The following ALPK2 variants were observed in gnomAD, a reference collection of about 807,000 sequenced individuals.
ALPK2 encodes the protein alpha kinase 2.
In ALPK2, 127 loss-of-function variants were observed where a neutral mutation model predicts 163.1. The observed-to-expected ratio is 0.78, with a 90% confidence interval of 0.67 to 0.90. The LOEUF is 0.90. Ranked by LOEUF, ALPK2 falls within the 40% of genes least tolerant of loss-of-function variation. ALPK2 has a pLI of 0.00. For synonymous variants in ALPK2, 953 were observed against 959.1 expected (o/e 0.99, Z 0.12); for missense variants, 2,360 against 2,589.6 (o/e 0.91, Z 1.92).
intron 8 of ALPK2, among the ~76,000 whole-genome samples, chr18:58,519,350 CAG>C (rs1254184951): frequency 1.3e-5 from 2 of 152,138 alleles, no homozygotes; most frequent in African/African-American, 4.8e-5. Context: ...ATACCACTAA[CAG>C]AGTATAGGAA....
rs144954613 is a variant in ALPK2, at chr18:58,508,458, A to T, written c.6030-4310T>A. 5.3e-5 allele frequency among the ~76,000 whole-genome samples: 8 copies of T among 152,334 alleles called. No individual in the cohort carries two copies. In the East Asian group the frequency reaches 1.5e-3, roughly 29 times the overall value. ...AGGAGGTTAGCACAGGATAGATAGG[A>T]GGTTAGCACAGGATACAGGTCATAA... On this transcript the variant is annotated intron_variant, in intron 10 of 12. Transcript: ENST00000361673.
chr18:58,627,498 C>T (rs7242266), intron 1 of ALPK2, among the ~76,000 whole-genome samples: 46,549 of 151,888 alleles, frequency 0.31, 7,252 homozygotes, highest in East Asian at 0.35. Context: ...GTGGCAGGCA[C>T]CCGTAATGCC....
At chr18:58,497,931 C>T (rs988464824) in intron 12 of ALPK2, 118 bp downstream of exon 12, 23 of 848,462 alleles carry the variant, frequency 2.7e-5, no homozygotes, top group Non-Finnish European at 3.5e-5. Flanking sequence ...CAAGAACATT[C>T]GTCATCCACA....
At chr18:58,540,899 G>T (rs772623653) in intron 4 of ALPK2, among the ~76,000 whole-genome samples, 3 of 152,184 alleles carry the variant, frequency 2.0e-5, no homozygotes, top group Non-Finnish European at 4.4e-5. Flanking sequence ...TTCCGTGATT[G>T]ATTACTATTA....
chr18:58,515,080 T>G lies in ALPK2; in HGVS notation c.5942A>C (p.Glu1981Ala). Residue 1981 changes from glutamate to alanine, a missense_variant and splice_region_variant, in exon 10 of 13, where the codon GAA (glutamate) becomes GCA (alanine). By Grantham distance (107) the Glu-to-Ala change is moderately radical. Coordinates refer to ENST00000361673, the MANE Select transcript of ALPK2 (RefSeq NM_052947.4). ...IQRNYKLAAQECYVQNTARYY... is the reference protein window; with the variant it reads ...IQRNYKLAAQACYVQNTARYY... ...CCTGGCAGTATTTTGAACATAGCATTCCTATATCGCCAAAATACATAGAAA... is the reference window on the plus strand; with the variant it reads ...CCTGGCAGTATTTTGAACATAGCATGCCTATATCGCCAAAATACATAGAAA... The G allele has an allele frequency of 1.9e-6, 3 of 1,609,776 alleles. No individual in the cohort carries two copies. Among genetic ancestry groups the G allele is most frequent in the South Asian group, 1.1e-5 (1 of 90,630 alleles).
In ALPK2 at chr18:58,535,231, G is replaced by A. The variant is rs762589293; in HGVS notation, c.4956C>T (p.Thr1652=). The change falls in exon 5 of 13, where the codon ACC becomes ACT. Residue 1652 remains threonine (T), a synonymous_variant. Transcript: ENST00000361673. ...CACGTTCTCCTGAAATAAATGCCAA[G>A]GTCTTCGCTGAGGAGCTAGATGAGC... is the stretch of plus-strand genomic sequence containing the variant. ...PPSSSSSSAK[T]LAFISGEREL... is the part of the protein sequence containing the mutation. The A allele has an allele frequency of 8.4e-5, 135 of 1,613,962 alleles. No homozygotes were observed. The highest frequency in any genetic ancestry group is 5.7e-4 in the Admixed American group (34 of 59,986).
In ALPK2 at chr18:58,565,619, A is replaced by G. The variant is rs114164114; in HGVS notation, c.1962+13195T>C. 2.1e-3 allele frequency among the ~76,000 whole-genome samples: 323 copies of G among 152,268 alleles called. 1 individual carries two copies. The highest frequency in any genetic ancestry group is 7.4e-3 in the African/African-American group (306 of 41,558). On this transcript the variant is annotated intron_variant, in intron 4 of 12. Coordinates refer to ENST00000361673, the MANE Select transcript of ALPK2 (RefSeq NM_052947.4). ...ATACCCTGGAAATTAATCTTTGTCT[A>G]TTACAATGTCCTACATAAAAAGTGT...
At chr18:58,564,958 A>G (rs376565551) in intron 4 of ALPK2, among the ~76,000 whole-genome samples, 2 of 152,322 alleles carry the variant, frequency 1.3e-5, no homozygotes, top group East Asian at 3.9e-4. Flanking sequence ...AGTTAATCCT[A>G]TCATTTGAAT....
intron 1 of ALPK2, among the ~76,000 whole-genome samples, chr18:58,623,823 C>G (rs1389497269): frequency 1.3e-5 from 2 of 152,152 alleles, no homozygotes; most frequent in African/African-American, 2.4e-5. Context: ...TTTAACTTGT[C>G]TGGGCTGAAC....
chr18:58,599,748 C>A (rs949421759), intron 3 of ALPK2, among the ~76,000 whole-genome samples: 1 of 152,142 alleles, frequency 6.6e-6, no homozygotes, highest in Non-Finnish European at 1.5e-5. Context: ...ATTGAGTATT[C>A]AAAATTCTTT....
At chr18:58,599,111 G>A (rs1027206923) in intron 3 of ALPK2, among the ~76,000 whole-genome samples, 3 of 152,092 alleles carry the variant, frequency 2.0e-5, no homozygotes. Flanking sequence ...AGCCACCCAA[G>A]TCCCGTCCCC....
rs142114746 is a variant in ALPK2, at chr18:58,621,278, CTT to C, written c.-21+7484_-21+7485del. Among the ~76,000 whole-genome samples, 669 of 143,744 alleles carry C rather than the reference CTT, an allele frequency of 4.7e-3. 6 individuals are homozygous for C. The highest frequency in any genetic ancestry group is 0.015 in the African/African-American group (607 of 39,560). 94.3% of individuals were successfully genotyped at this position (143,744 alleles called of 152,430 possible). On this transcript the variant is annotated intron_variant, in intron 1 of 12. Coordinates refer to ENST00000361673, the MANE Select transcript of ALPK2 (RefSeq NM_052947.4). ...AGAGTGCAGGGAATGTGATCACTTTCTTTTTTTTTTTTTTGAGGCGGAGTCTC... is the reference window on the plus strand; with the variant it reads ...AGAGTGCAGGGAATGTGATCACTTTCTTTTTTTTTTTTGAGGCGGAGTCTC...
chr18:58,601,437 T>C (rs1602235919), intron 3 of ALPK2, among the ~76,000 whole-genome samples: 1 of 152,204 alleles, frequency 6.6e-6, no homozygotes, highest in Non-Finnish European at 1.5e-5. Context: ...CTTGTTGCAA[T>C]GTGACTTTGC....
intron 3 of ALPK2, among the ~76,000 whole-genome samples, chr18:58,586,649 A>AC (rs1398968471): frequency 6.6e-6 from 1 of 151,748 alleles, no homozygotes; most frequent in African/African-American, 2.4e-5. Flanking sequence ...TCATTATTTG[A>AC]CCTGCCTAGT....
chr18:58,545,993 A>C (rs1320872312), intron 4 of ALPK2, among the ~76,000 whole-genome samples: 4 of 152,196 alleles, frequency 2.6e-5, no homozygotes, highest in African/African-American at 4.8e-5. Context: ...AAAACTGAAA[A>C]TAGATAGCCC....
At chr18:58,516,479 C>G (rs904766310) in intron 9 of ALPK2, among the ~76,000 whole-genome samples, 1 of 152,118 alleles carries the variant, frequency 6.6e-6, no homozygotes, top group African/African-American at 2.4e-5. Flanking sequence ...TACCCCACCC[C>G]TCTCCCTCTC....
At chr18:58,514,646 T>C (rs1346685358) in intron 10 of ALPK2, among the ~76,000 whole-genome samples, 1 of 152,202 alleles carries the variant, frequency 6.6e-6, no homozygotes, top group Non-Finnish European at 1.5e-5. Flanking sequence ...TTCTATTTGC[T>C]TACTGTTTAG....
At chr18:58,514,705 T>G (rs1360455555) in intron 10 of ALPK2, among the ~76,000 whole-genome samples, 1 of 152,016 alleles carries the variant, frequency 6.6e-6, no homozygotes, top group Non-Finnish European at 1.5e-5. Context: ...CTATTTAACA[T>G]GGTAGATTCA....
At chr18:58,516,450 A>G (rs1037242374) in intron 9 of ALPK2, among the ~76,000 whole-genome samples, 1 of 152,182 alleles carries the variant, frequency 6.6e-6, no homozygotes, top group Non-Finnish European at 1.5e-5. Flanking sequence ...AACAAGACCA[A>G]TGCTGACCCT....
Sources: allele counts gnomAD v4.1 joint callset (sites outside exome capture counted in the v4.1 genomes callset), GRCh38; gene constraint gnomAD v4.1.1; transcripts MANE v1.5; gene names NCBI Gene and HGNC (gene_info 2026-07-23, HGNC 2026-07-21).